Variants in NRDE2 observed in about 807,000 individuals in gnomAD.
NRDE2 encodes nuclear exosome regulator NRDE2.
Under a neutral mutation model 124.2 loss-of-function variants are expected in NRDE2, and 76 were observed. The observed-to-expected ratio is 0.61, with a 90% CI of 0.51 to 0.74. NRDE2 has a LOEUF of 0.74. Ranked by LOEUF, NRDE2 falls within the 30% of genes least tolerant of loss-of-function variation. The pLI, the probability that NRDE2 is intolerant of heterozygous loss-of-function variation, is 0.00. For synonymous variants in NRDE2, 489 were observed against 528.1 expected, an observed-to-expected ratio of 0.93 and a Z score of 1.01; for missense variants, 1,314 against 1,417.3, an observed-to-expected ratio of 0.93 and a Z score of 1.17.
rs1885159688 is a variant in NRDE2, at chr14:90,319,286, A to G, written c.65-1173T>C. Among the ~76,000 whole-genome samples, 3 of 152,212 alleles carry G rather than the reference A, an allele frequency of 2.0e-5. No individual in the cohort carries two copies. The South Asian group carries it at 6.2e-4, about 32-fold the overall frequency. ...AAGAACCCGTTAAATGGTTGAAGGTACAAAAGAGGAGGGTGACTGCATTTT... is the reference window on the plus strand; with the variant it reads ...AAGAACCCGTTAAATGGTTGAAGGTGCAAAAGAGGAGGGTGACTGCATTTT... On this transcript the variant is annotated intron_variant, in intron 1 of 13. Transcript: ENST00000354366.
chr14:90,301,146 T>A, intron 7 of NRDE2, 93 bp downstream of exon 7: 1 of 1,290,842 alleles, frequency 7.7e-7, no homozygotes, highest in Non-Finnish European at 1.1e-6. Context: ...CCACCTCTCA[T>A]TATCCACACC....
intron 12 of NRDE2, among the ~76,000 whole-genome samples, chr14:90,282,886 C>T (rs557697012): frequency 1.1e-4 from 16 of 152,252 alleles, no homozygotes; most frequent in African/African-American, 2.2e-4. Context: ...AGGCCGGTCT[C>T]GAACTCCCGA....
intron 1 of NRDE2, among the ~76,000 whole-genome samples, chr14:90,318,439 T>C (rs1373805684): frequency 1.3e-5 from 2 of 152,164 alleles, no homozygotes; most frequent in Non-Finnish European, 2.9e-5. Context: ...GTCTAATGAG[T>C]GTGAATGCTT....
chr14:90,302,798 A>G lies in NRDE2; in HGVS notation c.1333T>C (p.Leu445=). 2 of 1,614,218 alleles carry G rather than the reference A, an allele frequency of 1.2e-6. No homozygotes were observed. The highest frequency in any genetic ancestry group is 1.7e-5 in the Admixed American group (1 of 60,028). The change falls in exon 6 of 14, where the codon TTG becomes CTG. Residue 445 remains leucine, a synonymous_variant. Transcript: ENST00000354366. ...TCCTTAACAGCAGACAAAGTGCTCA[A>G]GCATTTTCCATAAAGACTGTGAATT... ...SKIHSLYGKC[L]STLSAVKDGS...
rs1891787038 is a variant in NRDE2, at chr14:90,275,584, C to T, written c.*2752G>A. 6.6e-6 allele frequency: 1 copy of T among 152,242 alleles called. No individual in the cohort carries two copies. The highest frequency in any genetic ancestry group is 1.5e-5 in the Non-Finnish European group (1 of 68,066). 9.4% of individuals were successfully genotyped at this position (152,242 alleles called of 1,614,324 possible). Reference sequence around the variant, plus strand: ...GCTGAACTGCGCCCCACCCCAGCTGCTTCTCCAGTTTGCTTACTGACCAAA... The same window carrying T: ...GCTGAACTGCGCCCCACCCCAGCTGTTTCTCCAGTTTGCTTACTGACCAAA... On this transcript the variant is annotated 3_prime_UTR_variant, in exon 14 of 14. Transcript: ENST00000354366.
rs745781123 is a variant in NRDE2, at chr14:90,271,147, T to A, written c.*7189A>T. ...CAGTGATTTGCCAAGAGTTAACATT[T>A]TACCTGTTTGCTTTTTCTCTTTCTA... On this transcript the variant is annotated 3_prime_UTR_variant, in exon 14 of 14. Transcript: ENST00000354366. 6.6e-6 allele frequency: 1 copy of A among 152,232 alleles called. No individual in the cohort carries two copies. Among genetic ancestry groups the A allele is most frequent in the Non-Finnish European group, 1.5e-5 (1 of 68,038 alleles). The allele number at this position is 152,232 out of a possible 1,614,324, so 9.4% of individuals were successfully genotyped here.
rs562779841 is a variant in NRDE2 at position 90,308,153 on chromosome 14, T to C, written c.558-3771A>G. On this transcript the variant is annotated intron_variant, in intron 4 of 13. Transcript: ENST00000354366. ...AGTTGGCTCCTAAACATAAGCCAACTATTTTATCTGGTGTATAGCCAAAGA... is the reference window on the plus strand; with the variant it reads ...AGTTGGCTCCTAAACATAAGCCAACCATTTTATCTGGTGTATAGCCAAAGA... 8.5e-5 allele frequency among the ~76,000 whole-genome samples: 13 copies of C among 152,356 alleles called. No homozygotes were observed. In the South Asian group the frequency reaches 1.9e-3, roughly 22 times the overall value.
At chr14:90,316,540 A>G in intron 3 of NRDE2, 38 bp downstream of exon 3, 1 of 1,436,232 alleles carries the variant, frequency 7.0e-7, no homozygotes, top group South Asian at 1.2e-5. Context: ...AAAACTCAAG[A>G]CTTAAAATAT....
Position 90,270,271 on chromosome 14 carries a change from A to C in NRDE2, c.*8065T>G. ...AGAAGCGCATCTTTCAGATTCACAC[A>C]AGCAGGATGACGCTGGCTGATGATG... On this transcript the variant is annotated 3_prime_UTR_variant, in exon 14 of 14. Coordinates refer to ENST00000354366, the MANE Select transcript of NRDE2 (RefSeq NM_017970.4). The C allele has an allele frequency of 1.2e-6, 2 of 1,613,718 alleles. No individual in the cohort carries two copies. The highest frequency in any genetic ancestry group is 1.7e-6 in the Non-Finnish European group (2 of 1,179,886).
rs970719247 is a variant in NRDE2 at position 90,272,736 on chromosome 14, T to C, written c.*5600A>G. On this transcript the variant is annotated 3_prime_UTR_variant, in exon 14 of 14. Coordinates refer to ENST00000354366, the MANE Select transcript of NRDE2 (RefSeq NM_017970.4). This position sits in a 1 kb window ranked among gnomAD's most constrained non-coding sequence, Gnocchi z 4.5. ...GAACTCAGGCTGCGGTCCCAAGGAG[T>C]GTGGACCTCACTATGCGTTCGCCAC... 1.5e-5 allele frequency: 3 copies of C among 199,674 alleles called. No individual in the cohort carries two copies. The highest frequency in any genetic ancestry group is 3.1e-5 in the Non-Finnish European group (3 of 97,504). The allele number at this position is 199,674 out of a possible 1,614,324, so 12.4% of individuals were successfully genotyped here.
Position 90,274,999 on chromosome 14 carries a change from A to T in NRDE2, c.*3337T>A, listed in dbSNP as rs1246990811. The T allele has an allele frequency of 2.6e-5, 4 of 152,256 alleles. No homozygotes were observed. Among genetic ancestry groups the T allele is most frequent in the African/African-American group, 9.7e-5 (4 of 41,442 alleles). 9.4% of individuals were successfully genotyped at this position (152,256 alleles called of 1,614,324 possible). On this transcript the variant is annotated 3_prime_UTR_variant, in exon 14 of 14. Transcript: ENST00000354366. ...AAGTGGTCAAATGCACATCATCAGTAATGGGCACTTTGAAAGTACGTGCCA... is the reference window on the plus strand; with the variant it reads ...AAGTGGTCAAATGCACATCATCAGTTATGGGCACTTTGAAAGTACGTGCCA...
intron 3 of NRDE2, among the ~76,000 whole-genome samples, chr14:90,313,273 CCCA>C: frequency 6.6e-6 from 1 of 152,002 alleles, no homozygotes; most frequent in East Asian, 1.9e-4. Context: ...ACTACAGGTG[CCCA>C]CCACCACACC....
chr14:90,290,702 A>G, intron 9 of NRDE2, 95 bp from the exon 10 acceptor site: 1 of 1,342,930 alleles, frequency 7.4e-7, no homozygotes, highest in Non-Finnish European at 1.0e-6. Context: ...ATGGTTCAAC[A>G]TTATTCAAAT....
Position 90,286,277 on chromosome 14 carries a change from T to C in NRDE2, c.3297+77A>G, listed in dbSNP as rs147321583. ...TCTCCTGGGCAGGGGCTACTTCTCA[T>C]TTCATAAATACCTTCTCATTTATGA... is the stretch of plus-strand genomic sequence containing the variant. On this transcript the variant is annotated intron_variant, in intron 12 of 13. Transcript: ENST00000354366. The C allele has an allele frequency of 2.4e-4, 362 of 1,504,110 alleles. 2 individuals are homozygous for C. The African/African-American group carries it at 4.6e-3, about 19-fold the overall frequency. The allele number at this position is 1,504,110 out of a possible 1,614,324, so 93.2% of individuals were successfully genotyped here.
chr14:90,326,150 G>A (rs1566703531), intron 1 of NRDE2, among the ~76,000 whole-genome samples: 2 of 152,164 alleles, frequency 1.3e-5, no homozygotes, highest in Admixed American at 6.5e-5. Flanking sequence ...TCTATAGAGT[G>A]TAGAGCGATC....
intron 4 of NRDE2, chr14:90,304,611 A>C: frequency 4.2e-6 from 2 of 478,876 alleles, no homozygotes; most frequent in South Asian, 3.9e-5. Flanking sequence ...TTAACATCTC[A>C]TGAATTTAAG....
rs745801192 is a variant in NRDE2, at chr14:90,304,040, T to C, written c.900A>G (p.Pro300=). ...CCTTGAGAGCCGCACTCTCGCTGTC[T>C]GGCTGTGCGTCTGGCTGCTTTGATT... ...EQESKQPDAQ[P]DSESAALKAK... Residue 300 remains proline (P), a synonymous_variant, in exon 5 of 14, where the codon CCA becomes CCG. Coordinates refer to ENST00000354366, the MANE Select transcript of NRDE2 (RefSeq NM_017970.4). 7 of 1,614,108 alleles carry C rather than the reference T, an allele frequency of 4.3e-6. No homozygotes were observed. Among genetic ancestry groups the C allele is most frequent in the South Asian group, 1.1e-5 (1 of 91,086 alleles).
At chr14:90,298,714 G>GCTGT (rs761079480) in intron 7 of NRDE2, among the ~76,000 whole-genome samples, 7 of 152,202 alleles carry the variant, frequency 4.6e-5, no homozygotes, top group Non-Finnish European at 1.0e-4. Flanking sequence ...GACCAGCTGA[G>GCTGT]GTTCAGCAAG....
At position 90,286,486 on chromosome 14, in the gene NRDE2, G is replaced by A. The variant is rs749043037; in HGVS notation, c.3165C>T (p.Asp1055=). The change falls in exon 12 of 14, where the codon GAC becomes GAT. Residue 1055 remains aspartate, a synonymous_variant. Coordinates refer to ENST00000354366, the MANE Select transcript of NRDE2 (RefSeq NM_017970.4). ...KRLVETVQRL[D]GREIHATIPE... is the part of the protein sequence containing the mutation. ...GAATTGTGGCGTGGATCTCTCTACC[G>A]TCTAACCTGCAAGGCAAAGGCTCAC... is the stretch of plus-strand genomic sequence containing the variant. The A allele has an allele frequency of 5.5e-5, 88 of 1,610,784 alleles. No individual in the cohort carries two copies. The highest frequency in any genetic ancestry group is 2.1e-4 in the South Asian group (19 of 90,842).
Sources: gnomAD v4.1 joint callset for allele counts (sites outside exome capture counted in the v4.1 genomes callset) on GRCh38, gnomAD v4.1.1 for gene constraint, Gnocchi (gnomAD v3.1) non-coding constraint, MANE v1.5 for transcripts, NCBI Gene and HGNC (gene_info 2026-07-23, HGNC 2026-07-21) for gene names.